CMPK1: variants seen among roughly 807,000 people sequenced by gnomAD.
The protein encoded by CMPK1 is cytidine/uridine monophosphate kinase 1.
In CMPK1, 10 loss-of-function variants were observed where a neutral mutation model predicts 25.7. The ratio of observed to expected loss-of-function variants is 0.39; its 90% CI spans 0.24 to 0.66. The LOEUF is 0.66. Ranked by LOEUF, CMPK1 falls within the 30% of genes least tolerant of loss-of-function variation. CMPK1 has a pLI of 0.48. For missense variants in CMPK1, 199 were observed against 280.5 expected (o/e 0.71, Z 2.08); for synonymous variants, 106 against 101.5 (o/e 1.04, Z -0.27).
intron 1 of CMPK1, among the ~76,000 whole-genome samples, chr1:47,355,197 C>G (rs1253472959): frequency 6.6e-6 from 1 of 152,052 alleles, no homozygotes; most frequent in Non-Finnish European, 1.5e-5. Flanking sequence ...CAGACACACA[C>G]TGTCATGCCC....
At position 47,368,537 on chromosome 1, in the gene CMPK1, G is replaced by T. The variant is rs35687416; in HGVS notation, c.240G>T (p.Gln80His). The stretch of plus-strand genomic sequence containing the variant: ...ATGAAAGGAAGAACCCAGATTCACA[G>T]TATGGTGAACTTATTGAAAAGTACA... ...LRDERKNPDS[Q>H]YGELIEKYIK... Residue 80 changes from glutamine to histidine, a missense_variant, in exon 2 of 6, where the codon CAG becomes CAT. By Grantham distance (24) the Gln-to-His change is conservative. This residue lies in a region of CMPK1 where 140 missense variants were observed against 235.5 expected (regional missense o/e 0.59). Transcript: ENST00000371873. 0.046 allele frequency: 74,737 copies of T among 1,612,670 alleles called. 2,040 individuals are homozygous for T. Among genetic ancestry groups the T allele is most frequent in the East Asian group, 0.088 (3,962 of 44,776 alleles).
rs1341812706 is a variant in CMPK1, at chr1:47,374,933, AG to A, written c.500del (p.Gly167GlufsTer41). ...NEICIERCLE[R>X]GKSSGRSDDN... is the part of the protein sequence containing the mutation. ...GATTTGTATTGAACGATGTCTTGAG[AG>A]GGGAAAGAGTAGTGGTAGGAGTGAT... is the stretch of plus-strand genomic sequence containing the variant. On this transcript the variant is annotated frameshift_variant, in exon 4 of 6. Coordinates refer to ENST00000371873, the MANE Select transcript of CMPK1 (RefSeq NM_016308.3). LOFTEE classifies it high-confidence loss of function. The A allele has an allele frequency of 6.2e-7, 1 of 1,612,830 alleles. No individual in the cohort carries two copies. The highest frequency in any genetic ancestry group is 2.2e-5 in the East Asian group (1 of 44,874).
chr1:47,358,588 T>A, intron 1 of CMPK1: 8 of 999,558 alleles, frequency 8.0e-6, no homozygotes, highest in Non-Finnish European at 9.6e-6. Flanking sequence ...AATTACCCAC[T>A]GTCACACTGG....
intron 1 of CMPK1, among the ~76,000 whole-genome samples, chr1:47,349,747 C>CTTGTTTGT (rs372890322): frequency 1.3e-5 from 2 of 151,928 alleles, no homozygotes; most frequent in African/African-American, 4.8e-5. Flanking sequence ...TCTAAATGTT[C>CTTGTTTGT]TTGTTTGTTT....
intron 1 of CMPK1, among the ~76,000 whole-genome samples, chr1:47,344,906 C>T (rs1252814170): frequency 3.3e-5 from 5 of 152,008 alleles, no homozygotes; most frequent in South Asian, 2.1e-4. Context: ...TTTCACTACA[C>T]GTTTTTCATT....
In CMPK1 at chr1:47,378,262, T is replaced by G. The variant is rs111466903; in HGVS notation, c.*1517T>G. ...ATAACATATTGGCCACTAAAATTCA[T>G]ATTGAGATTATCTTGGTTTCTTGGA... On this transcript the variant is annotated 3_prime_UTR_variant, in exon 6 of 6. Transcript: ENST00000371873. 196 of 152,328 alleles carry G rather than the reference T, an allele frequency of 1.3e-3. No homozygotes were observed. Among genetic ancestry groups the G allele is most frequent in the African/African-American group, 4.5e-3 (185 of 41,568 alleles). 9.4% of individuals were successfully genotyped at this position (152,328 alleles called of 1,614,324 possible). A position where few individuals can be genotyped will look rare whatever the true frequency, so the allele number is the denominator to read the frequency against.
chr1:47,343,879 T>G (rs1216866057), intron 1 of CMPK1, among the ~76,000 whole-genome samples: 1 of 148,350 alleles, frequency 6.7e-6, no homozygotes, highest in African/African-American at 2.5e-5. Flanking sequence ...AGAGAGAGAC[T>G]CCGTCTCAAA....
intron 1 of CMPK1, among the ~76,000 whole-genome samples, chr1:47,345,279 T>G (rs904973442): frequency 6.6e-6 from 1 of 151,988 alleles, no homozygotes; most frequent in Non-Finnish European, 1.5e-5. Context: ...GCTTAAAGAC[T>G]CTCAAACGTT....
At chr1:47,374,810 G>C in intron 3 of CMPK1, 99 bp from the exon 4 acceptor site, 1 of 767,590 alleles carries the variant, frequency 1.3e-6, no homozygotes. Flanking sequence ...TTTATTGCAG[G>C]GTTTTTTTGG....
At chr1:47,335,630 C>G (rs2149322778) in intron 1 of CMPK1, among the ~76,000 whole-genome samples, 1 of 102,348 alleles carries the variant, frequency 9.8e-6, no homozygotes, top group Admixed American at 9.8e-5. Context: ...GAGTGAAACT[C>G]CGTCTCAAAA....
At position 47,377,105 on chromosome 1, in the gene CMPK1, C is replaced by T. The variant is rs1044457; in HGVS notation, c.*360C>T. On this transcript the variant is annotated 3_prime_UTR_variant, in exon 6 of 6. Coordinates refer to ENST00000371873, the MANE Select transcript of CMPK1 (RefSeq NM_016308.3). The stretch of plus-strand genomic sequence containing the variant: ...CAACATTTTAGGATTTAGGGATACC[C>T]GCTTCCTCTTTTTCTTGCAAGTTTT... 65,362 of 163,658 alleles carry T rather than the reference C, an allele frequency of 0.4. 16,157 individuals are homozygous for T. Among genetic ancestry groups the T allele is most frequent in the Non-Finnish European group, 0.53 (39,874 of 75,554 alleles). The allele number at this position is 163,658 out of a possible 1,614,324, so 10.1% of individuals were successfully genotyped here.
At chr1:47,338,865 C>T (rs1353230641) in intron 1 of CMPK1, among the ~76,000 whole-genome samples, 1 of 151,386 alleles carries the variant, frequency 6.6e-6, no homozygotes, top group African/African-American at 2.4e-5. Flanking sequence ...TTGTTTTGGC[C>T]CAAATGAAAT....
intron 1 of CMPK1, among the ~76,000 whole-genome samples, chr1:47,342,543 C>T (rs114659358): frequency 0.01 from 1,576 of 151,968 alleles, 34 homozygotes; most frequent in African/African-American, 0.036. Flanking sequence ...TATTATATTT[C>T]TATCAAAAGT....
At chr1:47,374,055 T>C (rs559531445) in intron 3 of CMPK1, among the ~76,000 whole-genome samples, 61 of 152,204 alleles carry the variant, frequency 4.0e-4, no homozygotes, top group Admixed American at 1.6e-3. Context: ...GCAGCCTTTG[T>C]GTTGTTTTAT....
At chr1:47,375,106 C>G in intron 4 of CMPK1, 91 bp from the exon 5 acceptor site, 2 of 1,245,318 alleles carry the variant, frequency 1.6e-6, no homozygotes, top group Non-Finnish European at 1.2e-6. Context: ...GTCAATCAGT[C>G]GGGGCAGATC....
rs113047830 is a variant in CMPK1 at position 47,339,455 on chromosome 1, G to C, written c.171+5339G>C. On this transcript the variant is annotated intron_variant, in intron 1 of 5. Coordinates refer to ENST00000371873, the MANE Select transcript of CMPK1 (RefSeq NM_016308.3). ...TTAAGCATATATAAATCAGAAACTT[G>C]ATTTCATTTATCTTTGTGTCCCCAG... Among the ~76,000 whole-genome samples, 88 of 152,218 alleles carry C rather than the reference G, an allele frequency of 5.8e-4. No homozygotes were observed. In the East Asian group the frequency reaches 0.015, roughly 26 times the overall value.
chr1:47,372,818 T>C lies in CMPK1; in HGVS notation c.319-137T>C, dbSNP rs923563429. The C allele has an allele frequency of 1.2e-5, 6 of 490,470 alleles. No individual in the cohort carries two copies. The East Asian group carries it at 2.0e-4, about 17-fold the overall frequency. The allele number at this position is 490,470 out of a possible 1,614,324, so 30.4% of individuals were successfully genotyped here. On this transcript the variant is annotated intron_variant, in intron 2 of 5. Coordinates refer to ENST00000371873, the MANE Select transcript of CMPK1 (RefSeq NM_016308.3). ...TTTCTTTCTTTTTTTCTTTTCTTTT[T>C]TTTTTTTGCTATGTACCCTCCACCC...
chr1:47,355,242 C>T (rs1043012968), intron 1 of CMPK1, among the ~76,000 whole-genome samples: 1 of 151,484 alleles, frequency 6.6e-6, no homozygotes, highest in Admixed American at 6.6e-5. Context: ...GACAGGGTTT[C>T]GCTATGTTGG....
chr1:47,362,230 C>G (rs1316043961), intron 1 of CMPK1, among the ~76,000 whole-genome samples: 1 of 142,062 alleles, frequency 7.0e-6, no homozygotes, highest in Non-Finnish European at 1.5e-5. Context: ...ACGGCAGTGG[C>G]ACGATCTTGG....
Sources: allele counts gnomAD v4.1 joint callset (sites outside exome capture counted in the v4.1 genomes callset), GRCh38; gene constraint gnomAD v4.1.1; regional missense constraint gnomAD v4.1.1; transcripts MANE v1.5; gene names NCBI Gene and HGNC (gene_info 2026-07-23, HGNC 2026-07-21).